MARCHF8: variants seen among roughly 807,000 people sequenced by gnomAD.
MARCHF8 encodes the protein membrane associated ring-CH-type finger 8.
In MARCHF8, 40 loss-of-function variants were observed where a neutral mutation model predicts 51.6. The observed-to-expected ratio is 0.77, with a 90% confidence interval of 0.60 to 1.01. The LOEUF (loss-of-function observed/expected upper bound fraction) is 1.01, where lower values mean the gene tolerates loss of function less well. Among genes scored for constraint, MARCHF8 ranks in the 50% least tolerant of loss-of-function variants. The probability of loss-of-function intolerance (pLI) is 0.00; values close to 1 mark genes in which losing one functional copy is unlikely to be tolerated. For synonymous variants in MARCHF8, 263 were observed against 280.3 expected, an observed-to-expected ratio of 0.94 and a Z score of 0.62; for missense variants, 685 against 708.6, an observed-to-expected ratio of 0.97 and a Z score of 0.38.
chr10:45,592,024 G>A (rs2044686891), intron 1 of MARCHF8, among the ~76,000 whole-genome samples: 1 of 152,080 alleles, frequency 6.6e-6, no homozygotes, highest in East Asian at 1.9e-4. Flanking sequence ...CAGATTACAC[G>A]TTTTAACTCC....
At chr10:45,476,126 GCAGAGATTAACATAAGGA>G (rs1309539858) in intron 3 of MARCHF8, among the ~76,000 whole-genome samples, 1 of 152,182 alleles carries the variant, frequency 6.6e-6, no homozygotes, top group East Asian at 1.9e-4. Context: ...CACCAGACGT[GCAGAGATTAACATAAGGA>G]CACAAGAAAT....
intron 3 of MARCHF8, among the ~76,000 whole-genome samples, chr10:45,482,337 A>ATTT (rs2042903051): frequency 6.6e-6 from 1 of 152,246 alleles, no homozygotes; most frequent in Admixed American, 6.5e-5. Flanking sequence ...TGGAACCAAA[A>ATTT]AAGAGCACAA....
chr10:45,538,299 A>C (rs193247469), upstream of MARCHF8, among the ~76,000 whole-genome samples: 20 of 151,954 alleles, frequency 1.3e-4, no homozygotes, highest in East Asian at 3.3e-3. Context: ...GCCTGCCCTA[A>C]AAGAGCTCCT....
intron 1 of MARCHF8, among the ~76,000 whole-genome samples, chr10:45,552,395 C>A (rs1425398694): frequency 1.3e-5 from 2 of 151,284 alleles, no homozygotes; most frequent in East Asian, 1.9e-4. Context: ...TAGAAAACAT[C>A]TTTTAGTGAA....
chr10:45,546,571 C>T (rs1340993265), intron 1 of MARCHF8, among the ~76,000 whole-genome samples: 3 of 151,982 alleles, frequency 2.0e-5, no homozygotes. Flanking sequence ...CACTTAAGCT[C>T]CGGAGTTTGA....
chr10:45,526,388 C>T (rs935856891), intron 2 of MARCHF8, among the ~76,000 whole-genome samples: 43 of 152,242 alleles, frequency 2.8e-4, no homozygotes, highest in African/African-American at 2.4e-4. Context: ...ACTTTTGCAA[C>T]GCTAGCTGTG....
chr10:45,485,768 G>GCA (rs568394046), intron 3 of MARCHF8, among the ~76,000 whole-genome samples: 14 of 152,288 alleles, frequency 9.2e-5, no homozygotes, highest in African/African-American at 3.4e-4. Flanking sequence ...TGCAGTGACT[G>GCA]GCTCATGTGC....
Position 45,535,341 on chromosome 10 carries a change from C to T in MARCHF8, c.-209G>A, listed in dbSNP as rs571704005. ...GGGCCTCTTGGAATACTTGGTCAAACTGACGATATCCACAGCCCTATACCT... is the reference window on the plus strand; with the variant it reads ...GGGCCTCTTGGAATACTTGGTCAAATTGACGATATCCACAGCCCTATACCT... On this transcript the variant is annotated 5_prime_UTR_variant, in exon 1 of 8. Coordinates refer to ENST00000453424, the MANE Select transcript of MARCHF8 (RefSeq NM_001282866.2). 1 of 152,340 alleles carries T rather than the reference C, an allele frequency of 6.6e-6. No individual in the cohort carries two copies. Among genetic ancestry groups the T allele is most frequent in the African/African-American group, 2.4e-5 (1 of 41,574 alleles). 9.4% of individuals were successfully genotyped at this position (152,340 alleles called of 1,614,324 possible).
chr10:45,496,389 G>C (rs959621431), intron 2 of MARCHF8, among the ~76,000 whole-genome samples: 7 of 152,016 alleles, frequency 4.6e-5, no homozygotes, highest in African/African-American at 1.7e-4. Context: ...AGATAAGTGG[G>C]TACAAAGTTG....
At position 45,583,995 on chromosome 10, in the gene MARCHF8, G is replaced by C. The variant is rs1589195511; in HGVS notation, c.-79+10240C>G. On this transcript the variant is annotated intron_variant, in intron 1 of 6. Coordinates refer to the MARCHF8 transcript ENST00000319836. ...CACTCCAGCCTGGGTGACAGAGCGA[G>C]ACTTCATTTCCAAAAAAAAAAAAAA... Among the ~76,000 whole-genome samples, 3 of 104,672 alleles carry C rather than the reference G, an allele frequency of 2.9e-5. No individual in the cohort carries two copies. In the South Asian group the frequency reaches 9.8e-4, roughly 34 times the overall value. The allele number at this position is 104,672 out of a possible 152,430, so 68.7% of individuals were successfully genotyped here.
chr10:45,521,055 GTTACATT>G (rs140405150), intron 2 of MARCHF8, among the ~76,000 whole-genome samples: 168 of 152,176 alleles, frequency 1.1e-3, no homozygotes, highest in Non-Finnish European at 7.5e-4. Flanking sequence ...CTTTAATTAC[GTTACATT>G]TTTTAGAAAA....
intron 2 of MARCHF8, among the ~76,000 whole-genome samples, chr10:45,512,833 T>C (rs1362235904): frequency 6.6e-6 from 1 of 152,098 alleles, no homozygotes; most frequent in East Asian, 1.9e-4. Flanking sequence ...GCCGTGTCTG[T>C]GTAGAAAGAA....
At position 45,557,742 on chromosome 10, in the gene MARCHF8, A is replaced by G. The variant is rs565723243; in HGVS notation, c.-78-24453T>C. Reference sequence around the variant, plus strand: ...GCAGGCCCACAGCTAAGAGGAGGCCACACGGGCTGCAGAAGGACTCATTCC... The same window carrying G: ...GCAGGCCCACAGCTAAGAGGAGGCCGCACGGGCTGCAGAAGGACTCATTCC... On this transcript the variant is annotated intron_variant, in intron 1 of 6. Coordinates refer to the MARCHF8 transcript ENST00000319836. 2.0e-5 allele frequency among the ~76,000 whole-genome samples: 3 copies of G among 152,310 alleles called. No homozygotes were observed. The South Asian group carries it at 6.2e-4, about 32-fold the overall frequency.
chr10:45,543,774 G>C (rs927698136), intron 1 of MARCHF8, among the ~76,000 whole-genome samples: 1 of 144,242 alleles, frequency 6.9e-6, no homozygotes. Flanking sequence ...CTCCAGCCTG[G>C]GTGACAGAGT....
chr10:45,508,852 T>C (rs1004997208), intron 2 of MARCHF8, among the ~76,000 whole-genome samples: 1 of 152,248 alleles, frequency 6.6e-6, no homozygotes, highest in Non-Finnish European at 1.5e-5. Context: ...TTGACTTTAT[T>C]ATCTTGTTTT....
intron 3 of MARCHF8, among the ~76,000 whole-genome samples, chr10:45,477,385 A>C (rs2042806002): frequency 6.6e-6 from 1 of 152,224 alleles, no homozygotes; most frequent in African/African-American, 2.4e-5. Context: ...CATCATGAAA[A>C]CATACCAAAG....
chr10:45,494,250 G>T (rs936192336), intron 2 of MARCHF8, among the ~76,000 whole-genome samples: 1 of 152,232 alleles, frequency 6.6e-6, no homozygotes, highest in African/African-American at 2.4e-5. Flanking sequence ...GAATGTACTT[G>T]TGGGTAGAGC....
intron 1 of MARCHF8, among the ~76,000 whole-genome samples, chr10:45,567,298 C>T (rs2044376029): frequency 6.6e-6 from 1 of 152,100 alleles, no homozygotes; most frequent in Non-Finnish European, 1.5e-5. Flanking sequence ...CCCCATTTGT[C>T]CATTTTTGCT....
At chr10:45,546,781 C>CA (rs35226792) in intron 1 of MARCHF8, among the ~76,000 whole-genome samples, 32,704 of 112,300 alleles carry the variant, frequency 0.29, 3,845 homozygotes, top group South Asian at 0.41. Flanking sequence ...GAACCTGTCT[C>CA]AAAAAAAAAA....
Sources: gnomAD v4.1 joint callset for allele counts (sites outside exome capture counted in the v4.1 genomes callset) on GRCh38, gnomAD v4.1.1 for gene constraint, MANE v1.5 for transcripts, NCBI Gene and HGNC (gene_info 2026-07-23, HGNC 2026-07-21) for gene names.